The following TOGARAM1 variants were observed in gnomAD, a reference collection of about 807,000 sequenced individuals.
TOGARAM1 encodes the protein TOG array regulator of axonemal microtubules 1, also known as TOG array regulator of axonemal microtubules protein 1.
In TOGARAM1, 100 loss-of-function variants were observed where a neutral mutation model predicts 166.6. The observed-to-expected ratio is 0.60, with a 90% CI of 0.51 to 0.71. The LOEUF (loss-of-function observed/expected upper bound fraction) is 0.71, where lower values mean the gene tolerates loss of function less well. Ranked by LOEUF, TOGARAM1 falls within the 30% of genes least tolerant of loss-of-function variation. The probability of loss-of-function intolerance (pLI) is 0.00; values close to 1 mark genes in which losing one functional copy is unlikely to be tolerated. For missense variants in TOGARAM1, 2,029 were observed against 2,102.7 expected (o/e 0.96, Z 0.69); for synonymous variants, 758 against 763.8 (o/e 0.99, Z 0.13).
rs879187695 is a variant in TOGARAM1, at chr14:45,071,622, AT to A, written c.4970-80del. On this transcript the variant is annotated intron_variant, in intron 18 of 19. Coordinates refer to ENST00000361462, the MANE Select transcript of TOGARAM1 (RefSeq NM_001308120.2). ...GTTATACATTTGCATCCTAGAAGTG[AT>A]TTTTTTTTTCTTTTCAATGCTATGT... 2.4e-3 allele frequency: 1,830 copies of A among 767,008 alleles called. 2 individuals are homozygous for A. Among genetic ancestry groups the A allele is most frequent in the African/African-American group, 5.5e-3 (306 of 55,310 alleles). 47.5% of individuals were successfully genotyped at this position (767,008 alleles called of 1,614,324 possible).
chr14:45,042,880 G>A (rs566183532), intron 11 of TOGARAM1, among the ~76,000 whole-genome samples: 1 of 152,292 alleles, frequency 6.6e-6, no homozygotes, highest in East Asian at 1.9e-4. Flanking sequence ...AGCAATCACA[G>A]TAAATATTAC....
chr14:45,014,568 T>C lies in TOGARAM1; in HGVS notation c.3238+2493T>C, dbSNP rs2138868515. 2.0e-5 allele frequency among the ~76,000 whole-genome samples: 3 copies of C among 152,338 alleles called. No homozygotes were observed. The Middle Eastern group carries it at 0.01, about 518-fold the overall frequency. On this transcript the variant is annotated intron_variant, in intron 7 of 19. Transcript: ENST00000361462. ...AAACAAGTGATTCCTACAAATTTATTGTGGCTTAATTGGTAAAACATAAAA... is the reference window on the plus strand; with the variant it reads ...AAACAAGTGATTCCTACAAATTTATCGTGGCTTAATTGGTAAAACATAAAA...
At chr14:45,063,373 A>G (rs1341574572) in intron 16 of TOGARAM1, among the ~76,000 whole-genome samples, 1 of 151,648 alleles carries the variant, frequency 6.6e-6, no homozygotes, top group Admixed American at 6.6e-5. Context: ...CCAAAGTGCC[A>G]CCATTTTACA....
chr14:44,999,263 T>G, intron 2 of TOGARAM1, 100 bp from the exon 3 acceptor site: 1 of 1,264,876 alleles, frequency 7.9e-7, no homozygotes, highest in East Asian at 2.4e-5. Context: ...CACTTATATT[T>G]ATTTCCACCT....
At chr14:45,054,356 G>T (rs1357304099) in intron 15 of TOGARAM1, 75 bp from the exon 16 acceptor site, 3 of 912,974 alleles carry the variant, frequency 3.3e-6, no homozygotes, top group Non-Finnish European at 4.9e-6. Flanking sequence ...TGCCTACTTT[G>T]AAAATTACAT....
At chr14:44,992,245 C>T (rs1485024565) in intron 1 of TOGARAM1, among the ~76,000 whole-genome samples, 5 of 151,808 alleles carry the variant, frequency 3.3e-5, no homozygotes, top group Non-Finnish European at 7.4e-5. Flanking sequence ...CTAAAGTGTA[C>T]ATAGGAAAAT....
At chr14:44,975,088 T>C (rs1353807314) in intron 1 of TOGARAM1, among the ~76,000 whole-genome samples, 1 of 152,192 alleles carries the variant, frequency 6.6e-6, no homozygotes, top group African/African-American at 2.4e-5. Flanking sequence ...GTATATTTTT[T>C]ATATACCAGA....
intron 7 of TOGARAM1, among the ~76,000 whole-genome samples, chr14:45,015,207 A>C (rs1880048066): frequency 6.6e-6 from 1 of 152,052 alleles, no homozygotes; most frequent in Non-Finnish European, 1.5e-5. Flanking sequence ...CAGGAGGCTG[A>C]GGCAGGAGAA....
chr14:45,039,513 C>G (rs1175292921), intron 11 of TOGARAM1, among the ~76,000 whole-genome samples: 1 of 152,158 alleles, frequency 6.6e-6, no homozygotes, highest in Non-Finnish European at 1.5e-5. Context: ...CAGGCCCACA[C>G]CAAGCTGCTC....
At chr14:45,046,204 T>C (rs553860806) in intron 13 of TOGARAM1, among the ~76,000 whole-genome samples, 20 of 152,036 alleles carry the variant, frequency 1.3e-4, no homozygotes, top group African/African-American at 4.6e-4. Flanking sequence ...GAGGCCAAGG[T>C]GAGAAGATCC....
chr14:44,972,443 G>T (rs1176582382), intron 1 of TOGARAM1, among the ~76,000 whole-genome samples: 1 of 152,028 alleles, frequency 6.6e-6, no homozygotes, highest in Non-Finnish European at 1.5e-5. Flanking sequence ...CTGCCTGCTG[G>T]ATCTGTCCAT....
chr14:45,029,254 T>C (rs1179971774), intron 10 of TOGARAM1, among the ~76,000 whole-genome samples: 1 of 152,202 alleles, frequency 6.6e-6, no homozygotes, highest in Non-Finnish European at 1.5e-5. Flanking sequence ...TTTGTTATTG[T>C]CATAAAATTC....
At chr14:44,985,841 A>T (rs1444271897) in intron 1 of TOGARAM1, among the ~76,000 whole-genome samples, 1 of 152,204 alleles carries the variant, frequency 6.6e-6, no homozygotes, top group Non-Finnish European at 1.5e-5. Context: ...AAGTTTGATG[A>T]TCAGTGATTT....
chr14:45,030,552 A>ATT (rs908616062), intron 10 of TOGARAM1, among the ~76,000 whole-genome samples: 4 of 152,096 alleles, frequency 2.6e-5, no homozygotes, highest in Non-Finnish European at 5.9e-5. Flanking sequence ...GGAGGATTTT[A>ATT]TTTATACATG....
In TOGARAM1 at chr14:44,963,695, T is replaced by A; in HGVS notation, c.1274T>A (p.Leu425His). 6.2e-7 allele frequency: 1 copy of A among 1,613,916 alleles called. No homozygotes were observed. The highest frequency in any genetic ancestry group is 8.5e-7 in the Non-Finnish European group (1 of 1,180,036). ...LEVLHLLVIR[L>H]GEQVQQFLGP... ...GTCCTGCATTTACTGGTTATTCGCC[T>A]TGGAGAGCAGGTACAGCAGTTCTTG... The change falls in exon 1 of 20, where the codon CTT becomes CAT. Residue 425 changes from leucine to histidine, a missense_variant. By Grantham distance (99) the Leu-to-His change is moderately conservative. Transcript: ENST00000361462.
In TOGARAM1 at chr14:44,963,755, C is replaced by T; in HGVS notation, c.1334C>T (p.Ala445Val). The change falls in exon 1 of 20, where the codon GCG (alanine) becomes GTG (valine). Residue 445 changes from alanine (A) to valine (V), a missense_variant. Coordinates refer to ENST00000361462, the MANE Select transcript of TOGARAM1 (RefSeq NM_001308120.2). ...ATAGCAGCTTCTGTCAAAGTGCTGG[C>T]GGACAACAAGTTGGTGATCAAACAA... Reference protein sequence around the residue: ...PVIAASVKVLADNKLVIKQEY... With the variant: ...PVIAASVKVLVDNKLVIKQEY... 1 of 1,613,690 alleles carries T rather than the reference C, an allele frequency of 6.2e-7. No individual in the cohort carries two copies. Among genetic ancestry groups the T allele is most frequent in the African/African-American group, 1.3e-5 (1 of 75,012 alleles).
In TOGARAM1 at chr14:44,965,873, T is replaced by A. The variant is rs200745215; in HGVS notation, c.2046+1406T>A. The stretch of plus-strand genomic sequence containing the variant: ...ACTGGGGGCTTACAAATAGTAATTT[T>A]TTTTTTTTTTTTTTTTTTTGAGATG... On this transcript the variant is annotated intron_variant, in intron 1 of 19. Coordinates refer to ENST00000361462, the MANE Select transcript of TOGARAM1 (RefSeq NM_001308120.2). Among the ~76,000 whole-genome samples, 17 of 146,000 alleles carry A rather than the reference T, an allele frequency of 1.2e-4. No individual in the cohort carries two copies. In the East Asian group the frequency reaches 3.4e-3, roughly 29 times the overall value.
At chr14:45,002,596 G>A (rs1231565765) in intron 3 of TOGARAM1, among the ~76,000 whole-genome samples, 1 of 152,168 alleles carries the variant, frequency 6.6e-6, no homozygotes, top group East Asian at 1.9e-4. Context: ...TCCACACCAG[G>A]TGTTGGAAAT....
intron 10 of TOGARAM1, 45 bp downstream of exon 10, chr14:45,028,374 T>A: frequency 1.3e-6 from 2 of 1,552,278 alleles, no homozygotes; most frequent in Admixed American, 2.2e-5. Flanking sequence ...CTAGTAATTG[T>A]CTAAAGCTGG....
Sources: allele counts gnomAD v4.1 joint callset (sites outside exome capture counted in the v4.1 genomes callset), GRCh38; gene constraint gnomAD v4.1.1; transcripts MANE v1.5; gene names NCBI Gene and HGNC (gene_info 2026-07-23, HGNC 2026-07-21).